SNTG1: variants seen among roughly 807,000 people sequenced by gnomAD.
The protein encoded by SNTG1 is gamma-1-syntrophin.
In SNTG1, 39 loss-of-function variants were observed where a neutral mutation model predicts 74.7. That is an observed-to-expected ratio of 0.52 (90% CI 0.40 to 0.68). SNTG1 has a LOEUF of 0.68. Among genes scored for constraint, SNTG1 ranks in the 30% least tolerant of loss-of-function variants. SNTG1 has a pLI of 0.00. For synonymous variants in SNTG1, 254 were observed against 217.1 expected (o/e 1.17, Z -1.49); for missense variants, 685 against 609.5 (o/e 1.12, Z -1.30).
At chr8:50,301,673 T>C (rs1016530215) in intron 2 of SNTG1, among the ~76,000 whole-genome samples, 5 of 152,120 alleles carry the variant, frequency 3.3e-5, no homozygotes, top group African/African-American at 9.7e-5. Context: ...TAATATATTG[T>C]TGCAATTTTA....
At chr8:50,044,366 A>T (rs1356593734) in intron 1 of SNTG1, among the ~76,000 whole-genome samples, 1 of 152,208 alleles carries the variant, frequency 6.6e-6, no homozygotes, top group Non-Finnish European at 1.5e-5. Flanking sequence ...CCTGCTTGTA[A>T]GAATCCTGAG....
chr8:50,532,767 G>A (rs1023863343), intron 10 of SNTG1, among the ~76,000 whole-genome samples: 7 of 152,180 alleles, frequency 4.6e-5, no homozygotes, highest in Admixed American at 1.3e-4. Flanking sequence ...AGAAGAAAGA[G>A]TGCATTGTGA....
At chr8:49,949,610 C>T (rs113785999) in intron 1 of SNTG1, among the ~76,000 whole-genome samples, 12 of 152,168 alleles carry the variant, frequency 7.9e-5, no homozygotes, top group South Asian at 4.2e-4. Flanking sequence ...GTAATGTCTA[C>T]GATTTTTATA....
At chr8:50,252,687 G>A (rs908170848) in intron 2 of SNTG1, among the ~76,000 whole-genome samples, 1 of 152,014 alleles carries the variant, frequency 6.6e-6, no homozygotes, top group Non-Finnish European at 1.5e-5. Context: ...GAAATGCCAC[G>A]TTCTTTTAAA....
At chr8:50,791,560 A>G (rs1319722520) in intron 18 of SNTG1, among the ~76,000 whole-genome samples, 1 of 151,872 alleles carries the variant, frequency 6.6e-6, no homozygotes, top group Non-Finnish European at 1.5e-5. Context: ...TACACGACAG[A>G]TATTACAATG....
chr8:50,215,069 C>A (rs930035234), intron 2 of SNTG1, among the ~76,000 whole-genome samples: 1 of 152,024 alleles, frequency 6.6e-6, no homozygotes, highest in Non-Finnish European at 1.5e-5. Context: ...GGTGGGTTCT[C>A]ATCTTGGGCT....
chr8:50,210,128 G>A (rs1268075822), intron 2 of SNTG1, among the ~76,000 whole-genome samples: 2 of 152,148 alleles, frequency 1.3e-5, no homozygotes, highest in Non-Finnish European at 2.9e-5. Flanking sequence ...AGGAGTATCA[G>A]TGATTGAAGA....
chr8:50,451,630 A>C (rs2093458619), intron 8 of SNTG1, among the ~76,000 whole-genome samples: 1 of 152,194 alleles, frequency 6.6e-6, no homozygotes, highest in African/African-American at 2.4e-5. Context: ...CCCTGGAATT[A>C]GATATTCTAA....
intron 8 of SNTG1, among the ~76,000 whole-genome samples, chr8:50,480,621 A>T (rs1454819833): frequency 6.6e-6 from 1 of 152,200 alleles, no homozygotes; most frequent in Non-Finnish European, 1.5e-5. Flanking sequence ...ACAACATAAA[A>T]AAGTCCACCA....
intron 4 of SNTG1, among the ~76,000 whole-genome samples, chr8:50,423,187 A>C (rs1271314816): frequency 3.3e-5 from 5 of 152,210 alleles, no homozygotes; most frequent in Admixed American, 2.0e-4. Flanking sequence ...TCAAAGTAGA[A>C]ACCAATAACA....
At chr8:50,223,420 T>C (rs911000892) in intron 2 of SNTG1, among the ~76,000 whole-genome samples, 1 of 152,092 alleles carries the variant, frequency 6.6e-6, no homozygotes, top group African/African-American at 2.4e-5. Context: ...AGATGCAAAG[T>C]AATTAAATTA....
At chr8:50,727,709 C>T (rs2095503511) in intron 17 of SNTG1, among the ~76,000 whole-genome samples, 1 of 152,168 alleles carries the variant, frequency 6.6e-6, no homozygotes, top group African/African-American at 2.4e-5. Flanking sequence ...CTGTCATTAC[C>T]ATAACATCTG....
At chr8:50,185,108 C>T (rs905139025) in intron 2 of SNTG1, among the ~76,000 whole-genome samples, 5 of 152,106 alleles carry the variant, frequency 3.3e-5, no homozygotes, top group African/African-American at 1.2e-4. Flanking sequence ...GCATCTATGT[C>T]CCCACCCAAA....
At chr8:49,952,265 G>C (rs1200248297) in intron 1 of SNTG1, among the ~76,000 whole-genome samples, 3 of 152,148 alleles carry the variant, frequency 2.0e-5, no homozygotes, top group East Asian at 1.9e-4. Flanking sequence ...ACAGTAGACA[G>C]ATTATGAGAA....
At chr8:50,638,611 G>C (rs560137403) in intron 13 of SNTG1, among the ~76,000 whole-genome samples, 1 of 152,036 alleles carries the variant, frequency 6.6e-6, no homozygotes, top group Non-Finnish European at 1.5e-5. Flanking sequence ...GATATATTCC[G>C]ATGAAGAATC....
chr8:50,488,779 T>C (rs2093822237), intron 8 of SNTG1, among the ~76,000 whole-genome samples: 1 of 152,108 alleles, frequency 6.6e-6, no homozygotes, highest in African/African-American at 2.4e-5. Context: ...AAATGTAATG[T>C]AGTCTTTTTT....
In SNTG1 at chr8:50,760,797, C is replaced by T. The variant is rs145176049; in HGVS notation, c.1395+8686C>T. ...GAAGAGATGGATGAATTCCTGGACA[C>T]GTACACCTTCCCAAGTCTAAACGAG... On this transcript the variant is annotated intron_variant, in intron 18 of 18. Transcript: ENST00000642720. Among the ~76,000 whole-genome samples, 757 of 152,036 alleles carry T rather than the reference C, an allele frequency of 5.0e-3. 1 individual carries two copies. Among genetic ancestry groups the T allele is most frequent in the Non-Finnish European group, 7.5e-3 (508 of 67,954 alleles).
intron 17 of SNTG1, among the ~76,000 whole-genome samples, chr8:50,744,225 A>G (rs974637557): frequency 2.0e-5 from 3 of 152,040 alleles, no homozygotes. Flanking sequence ...AATACATAAT[A>G]ATAGCAAAGT....
chr8:50,152,107 A>G (rs535999302), intron 1 of SNTG1, among the ~76,000 whole-genome samples: 1 of 152,296 alleles, frequency 6.6e-6, no homozygotes, highest in African/African-American at 2.4e-5. Flanking sequence ...TATTGGGTGC[A>G]TATATATTTA....
Sources: gnomAD v4.1 joint callset for allele counts (sites outside exome capture counted in the v4.1 genomes callset) on GRCh38, gnomAD v4.1.1 for gene constraint, MANE v1.5 for transcripts, NCBI Gene and HGNC (gene_info 2026-07-23, HGNC 2026-07-21) for gene names.